PRKN: variants seen among roughly 807,000 people sequenced by gnomAD.
PRKN encodes the protein E3 ubiquitin-protein ligase parkin.
In PRKN, 56 loss-of-function variants were observed where a neutral mutation model predicts 59.5. The ratio of observed to expected loss-of-function variants is 0.94; its 90% CI spans 0.76 to 1.18. The LOEUF is 1.18. PRKN is among the 50% of genes most tolerant of loss of function. The pLI is 0.00. For synonymous variants in PRKN, 250 were observed against 222.1 expected (o/e 1.13, Z -1.12); for missense variants, 657 against 596.4 (o/e 1.10, Z -1.06).
chr6:161,906,396 A>G (rs1778145789), intron 6 of PRKN, among the ~76,000 whole-genome samples: 1 of 152,078 alleles, frequency 6.6e-6, no homozygotes, highest in Admixed American at 6.5e-5. Context: ...AGCTTCCACC[A>G]TCAGCATCAG....
rs1785828256 is a variant in PRKN, at chr6:161,378,574, C to T, written c.1167+8220G>A. On this transcript the variant is annotated intron_variant, in intron 10 of 11. Coordinates refer to ENST00000366898, the MANE Select transcript of PRKN (RefSeq NM_004562.3). The surrounding 1 kb of genome is among the most constrained non-coding windows in gnomAD (Gnocchi z 7.3). ...GGTTTGCCTTTCTTGGCAACAGAGC[C>T]TCAGCCAGCACTAGCATCTGCAGGC... Among the ~76,000 whole-genome samples the T allele has an allele frequency of 6.6e-6, 1 of 152,188 alleles. No homozygotes were observed. The highest frequency in any genetic ancestry group is 2.1e-4 in the South Asian group (1 of 4,830).
At chr6:161,524,633 A>C (rs1562503990) in intron 9 of PRKN, among the ~76,000 whole-genome samples, 1 of 152,152 alleles carries the variant, frequency 6.6e-6, no homozygotes, top group East Asian at 1.9e-4. Flanking sequence ...TGAATTCCAG[A>C]GGGATTATGC....
intron 4 of PRKN, among the ~76,000 whole-genome samples, chr6:162,181,196 G>A (rs1207505517): frequency 1.3e-5 from 2 of 152,196 alleles, no homozygotes; most frequent in Non-Finnish European, 2.9e-5. Flanking sequence ...TCCCAGGTCA[G>A]TTCCCGAAGT....
At chr6:161,811,883 T>C (rs1791578146) in intron 6 of PRKN, among the ~76,000 whole-genome samples, 1 of 151,320 alleles carries the variant, frequency 6.6e-6, no homozygotes, top group Admixed American at 6.6e-5. Context: ...GATCGTGTCT[T>C]TGCACTCCAG....
At chr6:162,204,855 T>A (rs13193285) in intron 3 of PRKN, among the ~76,000 whole-genome samples, 2 of 147,890 alleles carry the variant, frequency 1.4e-5, no homozygotes. Context: ...CTTCTTCTTC[T>A]TTTTTTTTTT....
chr6:162,012,319 C>G (rs1782760732), intron 5 of PRKN, among the ~76,000 whole-genome samples: 1 of 151,942 alleles, frequency 6.6e-6, no homozygotes, highest in Non-Finnish European at 1.5e-5. Context: ...CTTCTTCTCT[C>G]AATCTTTCTC....
chr6:162,590,191 C>T lies in PRKN; in HGVS notation c.7+137471G>A, dbSNP rs1289822038. 5.3e-5 allele frequency among the ~76,000 whole-genome samples: 8 copies of T among 152,078 alleles called. No individual in the cohort carries two copies. The East Asian group carries it at 1.2e-3, about 22-fold the overall frequency. On this transcript the variant is annotated intron_variant, in intron 1 of 11. Coordinates refer to ENST00000366898, the MANE Select transcript of PRKN (RefSeq NM_004562.3). ...TTTTAATAGCAAAGTAATAAATGCT[C>T]ATTATGGAATTTTTCATATATATGG...
chr6:162,305,938 C>A (rs570680896), intron 2 of PRKN, among the ~76,000 whole-genome samples: 1 of 152,118 alleles, frequency 6.6e-6, no homozygotes, highest in South Asian at 2.1e-4. Flanking sequence ...TTGATATCAT[C>A]TCTTTTCTTT....
At chr6:161,394,302 A>C (rs1786649012) in intron 9 of PRKN, among the ~76,000 whole-genome samples, 1 of 152,220 alleles carries the variant, frequency 6.6e-6, no homozygotes, top group Non-Finnish European at 1.5e-5. Flanking sequence ...TGTGGTCTCC[A>C]AAGGGCTAAA....
At chr6:161,661,530 G>A (rs541460279) in intron 7 of PRKN, among the ~76,000 whole-genome samples, 2 of 146,810 alleles carry the variant, frequency 1.4e-5, no homozygotes, top group Non-Finnish European at 3.0e-5. Flanking sequence ...ACCACTACCT[G>A]CCCCAGCCTC....
chr6:162,300,023 T>C (rs1781870184), intron 2 of PRKN, among the ~76,000 whole-genome samples: 1 of 152,152 alleles, frequency 6.6e-6, no homozygotes, highest in Non-Finnish European at 1.5e-5. Context: ...TGTCTTTTTT[T>C]AATAATACAG....
At chr6:161,797,241 T>C (rs998369526) in intron 6 of PRKN, among the ~76,000 whole-genome samples, 1 of 152,160 alleles carries the variant, frequency 6.6e-6, no homozygotes, top group African/African-American at 2.4e-5. Context: ...TTTCTTTTCT[T>C]TTTATTCTTT....
At chr6:161,540,250 C>T (rs1779570804) in intron 9 of PRKN, among the ~76,000 whole-genome samples, 1 of 152,156 alleles carries the variant, frequency 6.6e-6, no homozygotes, top group African/African-American at 2.4e-5. Flanking sequence ...GAGATTGACA[C>T]ATGGTGACAC....
intron 1 of PRKN, among the ~76,000 whole-genome samples, chr6:162,690,392 T>C (rs1447287798): frequency 6.6e-6 from 1 of 152,248 alleles, no homozygotes; most frequent in Non-Finnish European, 1.5e-5. Context: ...AGAGTCTCTG[T>C]TTCCTTGTTT....
chr6:161,714,601 C>T (rs1387254152), intron 7 of PRKN, among the ~76,000 whole-genome samples: 1 of 152,154 alleles, frequency 6.6e-6, no homozygotes, highest in Non-Finnish European at 1.5e-5. Flanking sequence ...CACAAACAGA[C>T]TAAGACAGGG....
chr6:161,753,236 G>C (rs993519626), intron 7 of PRKN, among the ~76,000 whole-genome samples: 1 of 152,160 alleles, frequency 6.6e-6, no homozygotes, highest in Non-Finnish European at 1.5e-5. Flanking sequence ...TGAGAAGTCT[G>C]GTTGGGGAGG....
Position 161,464,778 on chromosome 6 carries a change from C to T in PRKN, c.1084-77901G>A, listed in dbSNP as rs191282846. On this transcript the variant is annotated intron_variant, in intron 9 of 11. Coordinates refer to ENST00000366898, the MANE Select transcript of PRKN (RefSeq NM_004562.3). The stretch of plus-strand genomic sequence containing the variant: ...CACACCTCAAATTCTGACATACAGG[C>T]CCCTAAGGTCTCTTATGAATCCCCA... Among the ~76,000 whole-genome samples, 10 of 152,308 alleles carry T rather than the reference C, an allele frequency of 6.6e-5. No homozygotes were observed. In the East Asian group the frequency reaches 1.9e-3, roughly 29 times the overall value.
rs1256560462 is a variant in PRKN, at chr6:161,451,096, AAG to A, written c.1084-64221_1084-64220del. On this transcript the variant is annotated intron_variant, in intron 9 of 11. Coordinates refer to ENST00000366898, the MANE Select transcript of PRKN (RefSeq NM_004562.3). This position sits in a 1 kb window ranked among gnomAD's most constrained non-coding sequence, Gnocchi z 5.9. The stretch of plus-strand genomic sequence containing the variant: ...TGAGGACTAGAACAGAACCGATGGA[AAG>A]AGAACTGGCAAGGGGCTAACTTCTG... Among the ~76,000 whole-genome samples, 1 of 152,154 alleles carries A rather than the reference AAG, an allele frequency of 6.6e-6. No homozygotes were observed. The highest frequency in any genetic ancestry group is 2.4e-5 in the African/African-American group (1 of 41,418).
intron 7 of PRKN, among the ~76,000 whole-genome samples, chr6:161,667,505 C>A (rs960458744): frequency 6.6e-6 from 1 of 152,224 alleles, no homozygotes; most frequent in Admixed American, 6.5e-5. Flanking sequence ...ATTTTCTTCT[C>A]TAAACTACCA....
Sources: gnomAD v4.1 joint callset for allele counts (sites outside exome capture counted in the v4.1 genomes callset) on GRCh38, gnomAD v4.1.1 for gene constraint, Gnocchi (gnomAD v3.1) non-coding constraint, MANE v1.5 for transcripts, NCBI Gene and HGNC (gene_info 2026-07-23, HGNC 2026-07-21) for gene names.